VPS26A: variants seen among roughly 807,000 people sequenced by gnomAD.
The protein encoded by VPS26A is vacuolar protein sorting-associated protein 26A.
Under a neutral mutation model 42.4 loss-of-function variants are expected in VPS26A, and 22 were observed. That is an observed-to-expected ratio of 0.52 (90% CI 0.37 to 0.74). The LOEUF is 0.74. Among genes scored for constraint, VPS26A ranks in the 30% least tolerant of loss-of-function variants. The pLI, the probability that VPS26A is intolerant of heterozygous loss-of-function variation, is 0.00. For synonymous variants in VPS26A, 110 were observed against 123.5 expected, an observed-to-expected ratio of 0.89 and a Z score of 0.73; for missense variants, 276 against 379.2, an observed-to-expected ratio of 0.73 and a Z score of 2.26.
chr10:69,158,403 A>G (rs1841479786), intron 5 of VPS26A, among the ~76,000 whole-genome samples, 192 bp downstream of exon 5: 1 of 152,104 alleles, frequency 6.6e-6, no homozygotes, highest in Admixed American at 6.6e-5. Flanking sequence ...TTTATGTTCT[A>G]TTCCTGATAA....
At chr10:69,151,666 A>C (rs1381119843) in intron 2 of VPS26A, among the ~76,000 whole-genome samples, 1 of 152,202 alleles carries the variant, frequency 6.6e-6, no homozygotes, top group Non-Finnish European at 1.5e-5. Context: ...CAGAGTTTGC[A>C]GTTTGGTAGG....
intron 2 of VPS26A, among the ~76,000 whole-genome samples, chr10:69,149,129 C>T (rs1027388580): frequency 6.6e-6 from 1 of 152,040 alleles, no homozygotes; most frequent in Non-Finnish European, 1.5e-5. Context: ...AGTATCTGCA[C>T]ACAAATTATT....
rs1841827591 is a variant in VPS26A at position 69,172,060 on chromosome 10, AT to A, written c.*797del. 2 of 152,070 alleles carry A rather than the reference AT, an allele frequency of 1.3e-5. No homozygotes were observed. The highest frequency in any genetic ancestry group is 4.1e-4 in the South Asian group (2 of 4,828). 9.4% of individuals were successfully genotyped at this position (152,070 alleles called of 1,614,324 possible). On this transcript the variant is annotated 3_prime_UTR_variant, in exon 9 of 9. Coordinates refer to ENST00000263559, the MANE Select transcript of VPS26A (RefSeq NM_004896.5). ...TTGGCATTTTAGATTTGTTAAAACT[AT>A]TTTTTCCATAAATACTTTGAAACAT...
intron 2 of VPS26A, 129 bp from the exon 3 acceptor site, chr10:69,155,683 T>C (rs1841417595): frequency 2.8e-6 from 2 of 703,860 alleles, no homozygotes; most frequent in South Asian, 1.7e-5. Context: ...GATTTAGGTA[T>C]GTGGTGGTGT....
chr10:69,124,427 G>C (rs1840603170), intron 1 of VPS26A, 147 bp downstream of exon 1: 13 of 953,784 alleles, frequency 1.4e-5, no homozygotes, highest in Non-Finnish European at 1.8e-5. Flanking sequence ...CCACCCCTGG[G>C]TCTGGGAAAA....
chr10:69,149,916 G>C (rs900165959), intron 2 of VPS26A, among the ~76,000 whole-genome samples: 1 of 151,438 alleles, frequency 6.6e-6, no homozygotes. Flanking sequence ...ACTAATTTTT[G>C]TATTTTTAGT....
At chr10:69,140,089 A>G (rs1489411614) in intron 2 of VPS26A, among the ~76,000 whole-genome samples, 2 of 148,268 alleles carry the variant, frequency 1.3e-5, no homozygotes, top group African/African-American at 5.0e-5. Flanking sequence ...TTTTTTTGAG[A>G]TAAGATCTTG....
At chr10:69,146,092 TATTCATTCATTC>T (rs943459037) in intron 2 of VPS26A, among the ~76,000 whole-genome samples, 1 of 152,166 alleles carries the variant, frequency 6.6e-6, no homozygotes, top group South Asian at 2.1e-4. Flanking sequence ...TTCAATCACT[TATTCATTCATTC>T]ATTCATTCGA....
At chr10:69,160,451 C>T (rs981250665) in intron 5 of VPS26A, among the ~76,000 whole-genome samples, 3 of 151,222 alleles carry the variant, frequency 2.0e-5, no homozygotes, top group Admixed American at 6.6e-5. Flanking sequence ...AGCCACCGCG[C>T]CCAACATATT....
intron 6 of VPS26A, 45 bp downstream of exon 6, chr10:69,162,557 G>A (rs775831401): frequency 8.0e-7 from 1 of 1,251,486 alleles, no homozygotes; most frequent in Non-Finnish European, 1.1e-6. Flanking sequence ...TGTTTTAGTT[G>A]ACATTTTTAA....
chr10:69,143,787 G>A (rs961288584), intron 2 of VPS26A, among the ~76,000 whole-genome samples: 2 of 152,080 alleles, frequency 1.3e-5, no homozygotes, highest in Non-Finnish European at 2.9e-5. Context: ...TGTGGTCATG[G>A]CTCATTGTAG....
Position 69,171,523 on chromosome 10 carries a change from T to G in VPS26A, c.*254T>G, listed in dbSNP as rs920048130. ...AGCTGCCTTTTTTTTTTTAACTTCC[T>G]ACTTTGATGATAAGCACTCAGATAT... On this transcript the variant is annotated 3_prime_UTR_variant, in exon 9 of 9. Transcript: ENST00000263559. 9.5e-6 allele frequency: 3 copies of G among 316,858 alleles called. No homozygotes were observed. The highest frequency in any genetic ancestry group is 6.7e-5 in the African/African-American group (3 of 44,948). The allele number at this position is 316,858 out of a possible 1,614,324, so 19.6% of individuals were successfully genotyped here.
At chr10:69,165,107 T>C (rs1841658079) in intron 6 of VPS26A, among the ~76,000 whole-genome samples, 2 of 152,076 alleles carry the variant, frequency 1.3e-5, no homozygotes, top group South Asian at 4.1e-4. Flanking sequence ...TTTGTATTTT[T>C]AGTAGAGACG....
chr10:69,127,552 CAAA>C (rs1023422339), intron 1 of VPS26A, among the ~76,000 whole-genome samples: 1 of 112,320 alleles, frequency 8.9e-6, no homozygotes, highest in Non-Finnish European at 1.9e-5. Context: ...GACTCCATCT[CAAA>C]AAAAAAAAAA....
chr10:69,124,409 C>A (rs1840602151), intron 1 of VPS26A, 129 bp downstream of exon 1: 1 of 1,044,184 alleles, frequency 9.6e-7, no homozygotes, highest in East Asian at 3.6e-5. Context: ...GGGGTTAGGC[C>A]TGTCGGGCCA....
rs575362942 is a variant in VPS26A, at chr10:69,145,136, A to G, written c.154-10676A>G. The stretch of plus-strand genomic sequence containing the variant: ...CTGAAACCTCCGCGTCCCGGGTTCA[A>G]GCTTTTCTCCTGCCTCAGCCTCCTG... On this transcript the variant is annotated intron_variant, in intron 2 of 8. Coordinates refer to ENST00000263559, the MANE Select transcript of VPS26A (RefSeq NM_004896.5). Among the ~76,000 whole-genome samples, 410 of 151,542 alleles carry G rather than the reference A, an allele frequency of 2.7e-3. 2 individuals are homozygous for G. The highest frequency in any genetic ancestry group is 5.6e-3 in the Admixed American group (84 of 15,124).
At chr10:69,152,149 C>T (rs1841327178) in intron 2 of VPS26A, among the ~76,000 whole-genome samples, 1 of 152,088 alleles carries the variant, frequency 6.6e-6, no homozygotes, top group Non-Finnish European at 1.5e-5. Context: ...ATTGAGGCTG[C>T]AGTGAGTCAT....
At chr10:69,160,169 GTTTT>G (rs1564685085) in intron 5 of VPS26A, among the ~76,000 whole-genome samples, 2 of 125,676 alleles carry the variant, frequency 1.6e-5, no homozygotes, top group African/African-American at 6.1e-5. Context: ...CACACACACA[GTTTT>G]TTGTTTGTTT....
chr10:69,171,504 C>CTTTTTT lies in VPS26A; in HGVS notation c.*241_*246dup, dbSNP rs767465234. 1,607 of 290,150 alleles carry CTTTTTT rather than the reference C, an allele frequency of 5.5e-3. 5 individuals carry two copies. The highest frequency in any genetic ancestry group is 8.1e-3 in the Middle Eastern group (8 of 986). The allele number at this position is 290,150 out of a possible 1,614,324, so 18.0% of individuals were successfully genotyped here. A position where few individuals can be genotyped will look rare whatever the true frequency, so the allele number is the denominator to read the frequency against. The stretch of plus-strand genomic sequence containing the variant: ...AAACACTGGAACTTTGTTAAGCTGC[C>CTTTTTT]TTTTTTTTTTTAACTTCCTACTTTG... On this transcript the variant is annotated 3_prime_UTR_variant, in exon 9 of 9. Coordinates refer to ENST00000263559, the MANE Select transcript of VPS26A (RefSeq NM_004896.5).
Sources: allele counts gnomAD v4.1 joint callset (sites outside exome capture counted in the v4.1 genomes callset), GRCh38; gene constraint gnomAD v4.1.1; transcripts MANE v1.5; gene names NCBI Gene and HGNC (gene_info 2026-07-23, HGNC 2026-07-21).